Variants in RYR3 observed in about 807,000 individuals in gnomAD.
RYR3 encodes the protein ryanodine receptor 3.
In RYR3, 207 loss-of-function variants were observed where a neutral mutation model predicts 584.3. The observed-to-expected ratio is 0.35, with a 90% CI of 0.32 to 0.40. The LOEUF is 0.40. RYR3 is among the 10% of genes least tolerant of loss of function. The pLI is 1.00. For missense variants in RYR3, 5,616 were observed against 6,089.2 expected (o/e 0.92, Z 2.59); for synonymous variants, 2,416 against 2,248.5 (o/e 1.07, Z -2.11).
chr15:33,569,856 A>ATTTTATCAAT lies in RYR3; in HGVS notation c.1268+3065_1268+3066insATTTTTATCA, dbSNP rs777321726. The stretch of plus-strand genomic sequence containing the variant: ...TCCAGAATGAATAATGATACTGGAC[A>ATTTTATCAAT]TTTTATCATGTGCTTATTAGCCATT... On this transcript the variant is annotated intron_variant, in intron 12 of 103. Transcript: ENST00000634891. Among the ~76,000 whole-genome samples, 3 of 55,006 alleles carry ATTTTATCAAT rather than the reference A, an allele frequency of 5.5e-5. No homozygotes were observed. In the Admixed American group the frequency reaches 9.5e-4, roughly 17 times the overall value. The allele number at this position is 55,006 out of a possible 152,430, so 36.1% of individuals were successfully genotyped here. A position where few individuals can be genotyped will look rare whatever the true frequency, so the allele number is the denominator to read the frequency against.
At chr15:33,738,259 T>TGACTGTTCCCAGCTTGAGAGCA (rs1242421314) in intron 49 of RYR3, among the ~76,000 whole-genome samples, 191 bp from the exon 50 acceptor site, 2 of 152,164 alleles carry the variant, frequency 1.3e-5, no homozygotes. Context: ...AGGCTCAAGC[T>TGACTGTTCCCAGCTTGAGAGCA]GACTGTTCCC....
intron 1 of RYR3, among the ~76,000 whole-genome samples, chr15:33,471,207 A>G (rs965885558): frequency 7.2e-5 from 11 of 152,208 alleles, no homozygotes; most frequent in Non-Finnish European, 8.8e-5. Context: ...CCAGGTCAGC[A>G]TGGTTGAGCA....
chr15:33,574,661 GA>G (rs145392834), intron 12 of RYR3, among the ~76,000 whole-genome samples: 4,702 of 152,234 alleles, frequency 0.031, 233 homozygotes, highest in African/African-American at 0.1. Flanking sequence ...ATTGCTTTCA[GA>G]ACTTTTTGAG....
At position 33,633,097 on chromosome 15, in the gene RYR3, G is replaced by A; in HGVS notation, c.3016G>A (p.Gly1006Ser). ...CAGAATAAAACAAGGATGGACCTAT[G>A]GCATCCAACAGGTAAGAAATTCTGG... Reference protein sequence around the residue: ...KDRIKQGWTYGIQQDLKNKRN... With the variant: ...KDRIKQGWTYSIQQDLKNKRN... Residue 1006 changes from glycine to serine, a missense_variant, in exon 24 of 104, where the codon GGC becomes AGC. By Grantham distance (56) the Gly-to-Ser change is moderately conservative. Around this residue, in one of 9 missense-constraint regions of RYR3, gnomAD observed 1,284 missense variants for 1,344.6 expected, o/e 0.95. Coordinates refer to ENST00000634891, the MANE Select transcript of RYR3 (RefSeq NM_001036.6). 6.2e-7 allele frequency: 1 copy of A among 1,612,578 alleles called. No individual in the cohort carries two copies. The highest frequency in any genetic ancestry group is 8.5e-7 in the Non-Finnish European group (1 of 1,179,104).
intron 32 of RYR3, among the ~76,000 whole-genome samples, chr15:33,658,950 G>A (rs1260406951): frequency 1.3e-5 from 2 of 152,218 alleles, no homozygotes; most frequent in African/African-American, 4.8e-5. Flanking sequence ...GGCTTTGAGA[G>A]GGAGACAGTG....
chr15:33,687,328 A>G (rs916542633), intron 38 of RYR3, among the ~76,000 whole-genome samples: 4 of 152,230 alleles, frequency 2.6e-5, no homozygotes, highest in African/African-American at 9.6e-5. Flanking sequence ...TACAAAGAGA[A>G]TAAAATACCT....
intron 25 of RYR3, 58 bp from the exon 26 acceptor site, chr15:33,635,556 A>T: frequency 2.3e-6 from 3 of 1,308,626 alleles, no homozygotes; most frequent in Non-Finnish European, 2.2e-6. Flanking sequence ...TAATTATTGA[A>T]GGTCTACGTT....
chr15:33,375,107 A>G (rs908073598), intron 1 of RYR3, among the ~76,000 whole-genome samples: 9 of 152,304 alleles, frequency 5.9e-5, no homozygotes, highest in African/African-American at 2.2e-4. Flanking sequence ...CTGAGTTTTT[A>G]AATTATTGCT....
chr15:33,379,283 T>G (rs1304491746), intron 1 of RYR3, among the ~76,000 whole-genome samples: 4 of 152,152 alleles, frequency 2.6e-5, no homozygotes, highest in Non-Finnish European at 5.9e-5. Context: ...TAAAAAAGAA[T>G]AGAAGCGACA....
At chr15:33,420,079 A>G (rs2044127667) in intron 1 of RYR3, among the ~76,000 whole-genome samples, 1 of 152,168 alleles carries the variant, frequency 6.6e-6, no homozygotes, top group African/African-American at 2.4e-5. Flanking sequence ...CAGAGATGCA[A>G]CCTATAATTA....
Position 33,859,581 on chromosome 15 carries a change from C to G in RYR3, c.14149C>G (p.Leu4717Val), listed in dbSNP as rs972426377. 1.2e-6 allele frequency: 2 copies of G among 1,613,938 alleles called. No individual in the cohort carries two copies. The highest frequency in any genetic ancestry group is 1.3e-5 in the African/African-American group (1 of 75,044). The change falls in exon 100 of 104, where the codon CTT (leucine) becomes GTT (valine). Residue 4717 changes from leucine to valine, a missense_variant. Coordinates refer to ENST00000634891, the MANE Select transcript of RYR3 (RefSeq NM_001036.6). The stretch of plus-strand genomic sequence containing the variant: ...CCTTATTTTTCTTCTCTAGTGTTAC[C>G]TTTTCCACATGTACGTGGGAGTGAG... ...MKCDDMMTCY[L>V]FHMYVGVRAG...
intron 1 of RYR3, among the ~76,000 whole-genome samples, chr15:33,470,653 G>T (rs902794549): frequency 6.6e-6 from 1 of 152,174 alleles, no homozygotes; most frequent in Admixed American, 6.5e-5. Context: ...ATCATTCTAG[G>T]TTATGACATG....
intron 1 of RYR3, among the ~76,000 whole-genome samples, chr15:33,340,308 T>A (rs922596382): frequency 6.6e-6 from 1 of 152,228 alleles, no homozygotes; most frequent in African/African-American, 2.4e-5. Flanking sequence ...CTTCTTACTG[T>A]CTGTCATGCT....
chr15:33,436,587 G>A (rs915902746), intron 1 of RYR3, among the ~76,000 whole-genome samples: 8 of 148,488 alleles, frequency 5.4e-5, no homozygotes, highest in African/African-American at 1.2e-4. Flanking sequence ...TGCAACCTCC[G>A]CCTCCCGGGT....
chr15:33,467,836 A>G (rs1399112048), intron 1 of RYR3, among the ~76,000 whole-genome samples: 2 of 152,142 alleles, frequency 1.3e-5, no homozygotes, highest in East Asian at 3.9e-4. Flanking sequence ...GGAATAGAGA[A>G]ATCTTGTTGT....
At chr15:33,629,667 G>A (rs1851040891) in intron 21 of RYR3, among the ~76,000 whole-genome samples, 1 of 152,214 alleles carries the variant, frequency 6.6e-6, no homozygotes. Flanking sequence ...GAGCATGGCT[G>A]CCACATGTAG....
intron 1 of RYR3, among the ~76,000 whole-genome samples, chr15:33,399,986 T>C (rs1231314325): frequency 6.6e-6 from 1 of 152,122 alleles, no homozygotes; most frequent in African/African-American, 2.4e-5. Flanking sequence ...GCTCAAGAAA[T>C]GGAATGTTAC....
chr15:33,565,759 A>G (rs2057680883), intron 11 of RYR3, among the ~76,000 whole-genome samples: 1 of 152,160 alleles, frequency 6.6e-6, no homozygotes, highest in Admixed American at 6.5e-5. Context: ...TACCTCACTT[A>G]ACATCTTCAC....
chr15:33,434,561 T>C (rs952493756), intron 1 of RYR3, among the ~76,000 whole-genome samples: 7 of 152,182 alleles, frequency 4.6e-5, no homozygotes, highest in African/African-American at 1.7e-4. Flanking sequence ...GGTAACTTGA[T>C]GAAATATTTT....
Sources: gnomAD v4.1 joint callset for allele counts (sites outside exome capture counted in the v4.1 genomes callset) on GRCh38, gnomAD v4.1.1 for gene constraint, gnomAD v4.1.1 regional missense constraint, MANE v1.5 for transcripts, NCBI Gene and HGNC (gene_info 2026-07-23, HGNC 2026-07-21) for gene names.